The following OR2L13 variants were observed in gnomAD, a reference collection of about 807,000 sequenced individuals.
The protein encoded by OR2L13 is olfactory receptor family 2 subfamily L member 13, also known as olfactory receptor 2L13.
In OR2L13, 14 loss-of-function variants were observed where a neutral mutation model predicts 15.3. The observed-to-expected ratio is 0.91, with a 90% CI of 0.60 to 1.43. The LOEUF (loss-of-function observed/expected upper bound fraction) is 1.43. OR2L13 is among the 40% of genes most tolerant of loss of function. OR2L13 has a pLI of 0.00. For missense variants in OR2L13, 367 were observed against 387.9 expected (o/e 0.95, Z 0.45); for synonymous variants, 152 against 142.9 (o/e 1.06, Z -0.45).
the OR2L13 span, chr1:247,996,958 T>A: frequency 7.9e-5 from 12 of 152,178 alleles, no homozygotes; most frequent in African/African-American, 2.7e-4. Flanking sequence ...CTACCCTGAC[T>A]GGATCATTAT....
the OR2L13 span, chr1:248,042,296 A>G: frequency 1.4e-5 from 2 of 142,884 alleles, no homozygotes; most frequent in African/African-American, 2.6e-5. Flanking sequence ...ATAGGTGGGA[A>G]TTGAACAATG....
At chr1:248,013,593 G>A in the OR2L13 span, 3 of 152,218 alleles carry the variant, frequency 2.0e-5, no homozygotes, top group East Asian at 5.8e-4. Context: ...AATCTCATGT[G>A]TAGGGATGAT....
At chr1:247,989,008 C>T in the OR2L13 span, among the ~76,000 whole-genome samples, 4 of 151,962 alleles carry the variant, frequency 2.6e-5, no homozygotes, top group Non-Finnish European at 4.4e-5. Context: ...AATACACATT[C>T]TATTGGGGAG....
At chr1:247,983,233 T>C in the OR2L13 span, among the ~76,000 whole-genome samples, 1 of 152,204 alleles carries the variant, frequency 6.6e-6, no homozygotes, top group Admixed American at 6.5e-5. Flanking sequence ...TTAAATCTAA[T>C]GGAATTATGG....
chr1:248,077,182 G>A, the OR2L13 span, among the ~76,000 whole-genome samples: 1 of 152,166 alleles, frequency 6.6e-6, no homozygotes, highest in Non-Finnish European at 1.5e-5. Context: ...TTGCATCCCA[G>A]GGATGAAGCC....
the OR2L13 span, among the ~76,000 whole-genome samples, chr1:247,964,587 A>G: frequency 3.3e-5 from 5 of 151,958 alleles, no homozygotes; most frequent in African/African-American, 1.2e-4. Flanking sequence ...GTTACTTTAC[A>G]TTTCTCTGGT....
At chr1:247,966,234 C>A in the OR2L13 span, 1 of 1,613,218 alleles carries the variant, frequency 6.2e-7, no homozygotes, top group Non-Finnish European at 8.5e-7. Context: ...CTCTACTGAA[C>A]CCATTTATCT....
At chr1:248,096,174 C>T (rs1350153922), upstream of OR2L13, among the ~76,000 whole-genome samples, 1 of 151,650 alleles carries the variant, frequency 6.6e-6, no homozygotes, top group Admixed American at 6.6e-5. Flanking sequence ...GTCAGGAGAT[C>T]GAGACCATCC....
At chr1:247,953,948 A>G in the OR2L13 span, among the ~76,000 whole-genome samples, 1 of 150,708 alleles carries the variant, frequency 6.6e-6, no homozygotes, top group Non-Finnish European at 1.5e-5. Flanking sequence ...TTTTCTTTGT[A>G]ATTTTTTCTG....
chr1:248,092,157 C>G (rs1474696026), upstream of OR2L13, among the ~76,000 whole-genome samples: 1 of 152,114 alleles, frequency 6.6e-6, no homozygotes, highest in Non-Finnish European at 1.5e-5. Context: ...AGTTATTTAT[C>G]AAATCAGGGA....
chr1:247,970,338 T>C, the OR2L13 span, among the ~76,000 whole-genome samples: 1 of 150,452 alleles, frequency 6.6e-6, no homozygotes, highest in African/African-American at 2.5e-5. Context: ...TAAAGTATAA[T>C]AATAATTAAA....
chr1:247,948,777 G>A, the OR2L13 span: 1 of 1,156,470 alleles, frequency 8.6e-7, no homozygotes, highest in Non-Finnish European at 1.2e-6. Context: ...GGCTTGGAAT[G>A]CATCCCCTGC....
chr1:248,002,927 C>T, the OR2L13 span, among the ~76,000 whole-genome samples: 3 of 151,850 alleles, frequency 2.0e-5, no homozygotes, highest in African/African-American at 7.3e-5. Flanking sequence ...AGAAATTGTA[C>T]CAGCTCCACT....
chr1:248,073,199 C>T, the OR2L13 span, among the ~76,000 whole-genome samples: 1 of 152,126 alleles, frequency 6.6e-6, no homozygotes, highest in Non-Finnish European at 1.5e-5. Context: ...TGTCACTATT[C>T]ACAATAGCAA....
chr1:247,993,762 G>GAGAGAGAGAGAGAGAGAGAGAGAGAGA, the OR2L13 span, among the ~76,000 whole-genome samples: 54 of 53,654 alleles, frequency 1.0e-3, 4 homozygotes, highest in Non-Finnish European at 1.2e-3. Context: ...AGAGAGAGGG[G>GAGAGAGAGAGAGAGAGAGAGAGAGAGA]GAGAGAGAGA....
the OR2L13 span, chr1:248,039,068 A>G: frequency 1.1e-5 from 18 of 1,613,958 alleles, no homozygotes; most frequent in South Asian, 9.9e-5. Context: ...TGCGATCTCC[A>G]ACAGAGGACA....
the OR2L13 span, among the ~76,000 whole-genome samples, chr1:248,029,734 A>G: frequency 6.6e-6 from 1 of 152,218 alleles, no homozygotes; most frequent in Non-Finnish European, 1.5e-5. Context: ...AAATTAATGT[A>G]TGCAGATTCA....
chr1:247,994,018 T>C, the OR2L13 span, among the ~76,000 whole-genome samples: 1,072 of 152,226 alleles, frequency 7.0e-3, 10 homozygotes, highest in African/African-American at 0.024. Flanking sequence ...AGGTCCTGTA[T>C]GTTTCAGATT....
At chr1:248,023,666 C>T in the OR2L13 span, 1 of 152,220 alleles carries the variant, frequency 6.6e-6, no homozygotes, top group Non-Finnish European at 1.5e-5. Context: ...CTCTGCTCCA[C>T]TATTTTTATA....
Sources: gnomAD v4.1 joint callset for allele counts (sites outside exome capture counted in the v4.1 genomes callset) on GRCh38, gnomAD v4.1.1 for gene constraint, MANE v1.5 for transcripts, NCBI Gene and HGNC (gene_info 2026-07-23, HGNC 2026-07-21) for gene names.